The following INTS8 variants were observed in gnomAD, a reference collection of about 807,000 sequenced individuals.
INTS8 encodes the protein protein kaonashi-1.
In INTS8, 47 loss-of-function variants were observed where a neutral mutation model predicts 138.9. The ratio of observed to expected loss-of-function variants is 0.34; its 90% CI spans 0.27 to 0.43. The LOEUF is 0.43. INTS8 is among the 20% of genes least tolerant of loss of function. The pLI is 1.00. For missense variants in INTS8, 996 were observed against 1,173.0 expected (o/e 0.85, Z 2.20); for synonymous variants, 392 against 400.9 (o/e 0.98, Z 0.27).
At chr8:94,823,812 T>G (rs528810474) in intron 1 of INTS8, among the ~76,000 whole-genome samples, 1 of 152,322 alleles carries the variant, frequency 6.6e-6, no homozygotes, top group South Asian at 2.1e-4. Flanking sequence ...CCTTTGGTCC[T>G]TTTTACGATT....
intron 1 of INTS8, among the ~76,000 whole-genome samples, chr8:94,824,612 C>T (rs969546988): frequency 1.1e-4 from 16 of 151,658 alleles, no homozygotes; most frequent in Admixed American, 3.9e-4. Flanking sequence ...TTATGTTCTT[C>T]CCCGTAAGGT....
In INTS8 at chr8:94,827,812, C is replaced by T. The variant is rs922613504; in HGVS notation, c.518+19C>T. 9 of 1,593,294 alleles carry T rather than the reference C, an allele frequency of 5.6e-6. No homozygotes were observed. Among genetic ancestry groups the T allele is most frequent in the South Asian group, 2.2e-5 (2 of 89,232 alleles). ...TAAGTGTGTAAGTTGGTGGCTATGA[C>T]CTTTACTTGGCACTTTTTTCATTGG... is the stretch of plus-strand genomic sequence containing the variant. On this transcript the variant is annotated intron_variant, in intron 4 of 26. Coordinates refer to ENST00000523731, the MANE Select transcript of INTS8 (RefSeq NM_017864.4).
chr8:94,825,100 G>T (rs771672175), intron 2 of INTS8, 33 bp downstream of exon 2: 1 of 1,412,036 alleles, frequency 7.1e-7, no homozygotes, highest in Non-Finnish European at 9.9e-7. Flanking sequence ...TTCATTTGAA[G>T]TGCTATTTAG....
chr8:94,853,130 A>G (rs1044040400), intron 13 of INTS8, among the ~76,000 whole-genome samples: 5 of 151,938 alleles, frequency 3.3e-5, no homozygotes, highest in African/African-American at 1.2e-4. Flanking sequence ...TAGGCAACAT[A>G]GCGAAACCCC....
intron 18 of INTS8, chr8:94,866,427 G>A: frequency 2.1e-6 from 1 of 479,928 alleles, no homozygotes; most frequent in South Asian, 2.0e-5. Flanking sequence ...TGAGGAACTG[G>A]GACTACAGGC....
chr8:94,871,961 A>G lies in INTS8; in HGVS notation c.2492A>G (p.Asn831Ser), dbSNP rs1269951439. 2.5e-6 allele frequency: 4 copies of G among 1,599,624 alleles called. No individual in the cohort carries two copies. The highest frequency in any genetic ancestry group is 3.4e-6 in the Non-Finnish European group (4 of 1,168,294). The change falls in exon 21 of 27, where the codon AAT becomes AGT. Residue 831 changes from asparagine to serine, a missense_variant. Asn to Ser is a conservative substitution (Grantham distance 46, BLOSUM62 1). Coordinates refer to ENST00000523731, the MANE Select transcript of INTS8 (RefSeq NM_017864.4). ...CGATATACACTCAGTATAAATCCAA[A>G]TAACCATTCTTGGTTAATTATCCAG... Reference protein sequence around the residue: ...LVRYTLSINPNNHSWLIIQAD... With the variant: ...LVRYTLSINPSNHSWLIIQAD...
chr8:94,870,950 G>A (rs1239772890), intron 20 of INTS8, among the ~76,000 whole-genome samples: 2 of 152,044 alleles, frequency 1.3e-5, no homozygotes, highest in South Asian at 2.1e-4. Flanking sequence ...TCCACATTTA[G>A]CCAGGCTCAC....
intron 10 of INTS8, among the ~76,000 whole-genome samples, chr8:94,844,610 G>C (rs1341898043): frequency 6.6e-6 from 1 of 151,852 alleles, no homozygotes; most frequent in Non-Finnish European, 1.5e-5. Context: ...AGCCGTGCCC[G>C]GCCATGTTAT....
At chr8:94,839,125 C>T (rs1815041912) in intron 8 of INTS8, among the ~76,000 whole-genome samples, 2 of 152,160 alleles carry the variant, frequency 1.3e-5, no homozygotes, top group Admixed American at 1.3e-4. Context: ...AGAAAGGGAG[C>T]ACAGTGAACA....
intron 13 of INTS8, among the ~76,000 whole-genome samples, chr8:94,852,404 A>G (rs1454250994): frequency 6.6e-6 from 1 of 152,208 alleles, no homozygotes; most frequent in Non-Finnish European, 1.5e-5. Context: ...AAAGTTTTCC[A>G]GCATAGAAAG....
Position 94,880,764 on chromosome 8 carries a change from TAA to T in INTS8, c.*540_*541del. 6.1e-6 allele frequency: 2 copies of T among 326,598 alleles called. No homozygotes were observed. The highest frequency in any genetic ancestry group is 1.1e-5 in the Non-Finnish European group (2 of 180,982). The allele number at this position is 326,598 out of a possible 1,614,324, so 20.2% of individuals were successfully genotyped here. A position where few individuals can be genotyped will look rare whatever the true frequency, so the allele number is the denominator to read the frequency against. ...AAATAAAGCCTTAGTCACACTAAAT[TAA>T]AAAAAAAAATTCCTTAGGGATATCT... On this transcript the variant is annotated 3_prime_UTR_variant, in exon 27 of 27. Coordinates refer to ENST00000523731, the MANE Select transcript of INTS8 (RefSeq NM_017864.4).
intron 12 of INTS8, among the ~76,000 whole-genome samples, chr8:94,850,326 G>T (rs1294949355): frequency 6.6e-6 from 1 of 152,120 alleles, no homozygotes; most frequent in Non-Finnish European, 1.5e-5. Context: ...ATTTTAGCTG[G>T]GGAAGGCTGG....
chr8:94,878,714 C>G (rs577208577), intron 26 of INTS8, among the ~76,000 whole-genome samples: 32 of 152,308 alleles, frequency 2.1e-4, no homozygotes, highest in African/African-American at 7.7e-4. Context: ...GCTTTTGAAG[C>G]TCTTCAAGCC....
At position 94,855,497 on chromosome 8, in the gene INTS8, AG is replaced by A. The variant is rs1246281194; in HGVS notation, c.1753-1279del. ...ATGAGACAATTGTAAGCCATTGAAA[AG>A]TTTTAATAGGAGGAATGTAGTTAGC... On this transcript the variant is annotated intron_variant, in intron 14 of 26. Coordinates refer to ENST00000523731, the MANE Select transcript of INTS8 (RefSeq NM_017864.4). Among the ~76,000 whole-genome samples the A allele has an allele frequency of 4.6e-5, 7 of 152,192 alleles. No homozygotes were observed. In the East Asian group the frequency reaches 1.3e-3, roughly 29 times the overall value.
In INTS8 at chr8:94,853,785, G is replaced by A. The variant is rs1815640833; in HGVS notation, c.1642-20G>A. 1.5e-6 allele frequency: 2 copies of A among 1,320,930 alleles called. No homozygotes were observed. Among genetic ancestry groups the A allele is most frequent in the African/African-American group, 1.4e-5 (1 of 69,022 alleles). 81.8% of individuals were successfully genotyped at this position (1,320,930 alleles called of 1,614,324 possible). On this transcript the variant is annotated intron_variant, in intron 13 of 26. Coordinates refer to ENST00000523731, the MANE Select transcript of INTS8 (RefSeq NM_017864.4). Reference sequence around the variant, plus strand: ...TTCCTCTATGTGTGCATATATATATGTATTTTTTGTTTCTTTTAGTGGGAA... The same window carrying A: ...TTCCTCTATGTGTGCATATATATATATATTTTTTGTTTCTTTTAGTGGGAA...
chr8:94,835,062 T>A (rs990024657), intron 6 of INTS8, among the ~76,000 whole-genome samples: 1 of 152,204 alleles, frequency 6.6e-6, no homozygotes, highest in Non-Finnish European at 1.5e-5. Context: ...CATTCTGAGA[T>A]CCTTACAGAT....
intron 5 of INTS8, among the ~76,000 whole-genome samples, chr8:94,831,135 A>G (rs998826899): frequency 6.6e-6 from 1 of 151,162 alleles, no homozygotes; most frequent in African/African-American, 2.4e-5. Flanking sequence ...TCTTTTTTAG[A>G]CAGAATATTA....
intron 12 of INTS8, among the ~76,000 whole-genome samples, chr8:94,850,563 G>A (rs1815500148): frequency 7.1e-6 from 1 of 140,448 alleles, no homozygotes; most frequent in Admixed American, 7.8e-5. Context: ...AGTGAGCCAA[G>A]ATTGCGCCAC....
chr8:94,837,246 A>G (rs1814958361), intron 7 of INTS8, among the ~76,000 whole-genome samples: 1 of 152,188 alleles, frequency 6.6e-6, no homozygotes, highest in Non-Finnish European at 1.5e-5. Context: ...GGCTTTCATT[A>G]ATTCCTAATA....
Sources: allele counts gnomAD v4.1 joint callset (sites outside exome capture counted in the v4.1 genomes callset), GRCh38; gene constraint gnomAD v4.1.1; transcripts MANE v1.5; gene names NCBI Gene and HGNC (gene_info 2026-07-23, HGNC 2026-07-21).